TAFA2: variants seen among roughly 807,000 people sequenced by gnomAD.
TAFA2 encodes the protein TAFA chemokine like family member 2.
A neutral mutation model predicts 18.8 loss-of-function variants in TAFA2; 7 were observed. The observed-to-expected ratio is 0.37, with a 90% CI of 0.21 to 0.70. The LOEUF (loss-of-function observed/expected upper bound fraction) is 0.70, where lower values mean the gene tolerates loss of function less well. Among genes scored for constraint, TAFA2 ranks in the 30% least tolerant of loss-of-function variants. TAFA2 has a pLI of 0.53. For missense variants in TAFA2, 122 were observed against 158.1 expected (o/e 0.77, Z 1.23); for synonymous variants, 60 against 54.2 (o/e 1.11, Z -0.47).
intron 1 of TAFA2, among the ~76,000 whole-genome samples, chr12:61,964,615 A>G (rs977845763): frequency 2.6e-5 from 4 of 151,894 alleles, no homozygotes; most frequent in Admixed American, 1.3e-4. Flanking sequence ...GCAACATTAA[A>G]TCATCTTTGA....
At chr12:62,213,469 C>A (rs2062722031) in intron 1 of TAFA2, among the ~76,000 whole-genome samples, 1 of 151,780 alleles carries the variant, frequency 6.6e-6, no homozygotes, top group Non-Finnish European at 1.5e-5. Context: ...ATGGTGAAAC[C>A]CCGTCTGTAC....
At position 61,753,649 on chromosome 12, in the gene TAFA2, G is replaced by C. The variant is rs899848659; in HGVS notation, c.357C>G (p.Ser119=). Residue 119 remains serine, a synonymous_variant, in exon 4 of 5, where the codon TCC becomes TCG. Transcript: ENST00000416284. Reference sequence around the variant, plus strand: ...TAGTTGTTTTGACTTTATTCCCAGAGGAACAGCTCCATCCTTTCCGATCCG... The same window carrying C: ...TAGTTGTTTTGACTTTATTCCCAGACGAACAGCTCCATCCTTTCCGATCCG... The part of the protein sequence containing the change: ...VLPDRKGWSC[S]SGNKVKTTRV... 1 of 1,612,144 alleles carries C rather than the reference G, an allele frequency of 6.2e-7. No homozygotes were observed. The highest frequency in any genetic ancestry group is 1.3e-5 in the African/African-American group (1 of 74,942).
rs565083213 is a variant in TAFA2 at position 62,082,401 on chromosome 12, A to G, written c.-2+108858T>C. On this transcript the variant is annotated intron_variant, in intron 1 of 4. Transcript: ENST00000416284. ...TTCCTATTCCACTAATGCTCCTTTCATCTTTAGTAGTAAGCAGCTATTTTT... is the reference window on the plus strand; with the variant it reads ...TTCCTATTCCACTAATGCTCCTTTCGTCTTTAGTAGTAAGCAGCTATTTTT... Among the ~76,000 whole-genome samples, 17 of 152,220 alleles carry G rather than the reference A, an allele frequency of 1.1e-4. No homozygotes were observed. In the East Asian group the frequency reaches 2.7e-3, roughly 24 times the overall value.
At chr12:61,879,494 G>A in intron 1 of TAFA2, 1 of 695,154 alleles carries the variant, frequency 1.4e-6, no homozygotes, top group Admixed American at 2.0e-5. Context: ...GGGGCCAGCG[G>A]TATTGGAGGG....
At chr12:61,865,407 A>G (rs531866033) in intron 2 of TAFA2, among the ~76,000 whole-genome samples, 1 of 152,234 alleles carries the variant, frequency 6.6e-6, no homozygotes, top group Admixed American at 6.5e-5. Context: ...AAATAAAAAG[A>G]AAAGAAAGAA....
chr12:62,076,967 C>T (rs569030888), intron 1 of TAFA2, among the ~76,000 whole-genome samples: 52 of 152,158 alleles, frequency 3.4e-4, no homozygotes, highest in Admixed American at 7.8e-4. Context: ...AATGAAGCCT[C>T]GATGAGTTTT....
At chr12:61,833,088 A>T (rs1250514844) in intron 2 of TAFA2, among the ~76,000 whole-genome samples, 1 of 147,582 alleles carries the variant, frequency 6.8e-6, no homozygotes, top group Non-Finnish European at 1.5e-5. Context: ...ATATATATAT[A>T]TTATATATAT....
At chr12:62,014,643 A>G (rs544599493) in intron 1 of TAFA2, among the ~76,000 whole-genome samples, 117 of 152,288 alleles carry the variant, frequency 7.7e-4, no homozygotes, top group African/African-American at 2.7e-3. Context: ...AAAAAATAAA[A>G]AATAAAAATA....
intron 1 of TAFA2, among the ~76,000 whole-genome samples, chr12:61,949,822 T>C (rs1878404384): frequency 6.6e-6 from 1 of 152,182 alleles, no homozygotes; most frequent in Non-Finnish European, 1.5e-5. Context: ...AGTGTACAAT[T>C]CAGTTGTGTT....
At chr12:62,073,756 T>C (rs924394609) in intron 1 of TAFA2, among the ~76,000 whole-genome samples, 2 of 152,234 alleles carry the variant, frequency 1.3e-5, no homozygotes, top group African/African-American at 4.8e-5. Flanking sequence ...AGAATAGTTT[T>C]AGTTATCTGC....
intron 1 of TAFA2, among the ~76,000 whole-genome samples, chr12:62,181,996 C>CCA (rs201356131): frequency 3.4e-4 from 50 of 148,788 alleles, no homozygotes; most frequent in Admixed American, 1.4e-3. Context: ...TCCATCCCCC[C>CCA]CCCGCTACAC....
intron 1 of TAFA2, chr12:62,135,858 G>A (rs1007207118): frequency 2.0e-5 from 3 of 152,100 alleles, no homozygotes; most frequent in East Asian, 1.9e-4. Flanking sequence ...ATTCTGTGAT[G>A]TGAACTGATA....
chr12:62,240,871 T>C (rs1178855669), intron 1 of TAFA2, among the ~76,000 whole-genome samples: 8 of 152,044 alleles, frequency 5.3e-5, no homozygotes, highest in Admixed American at 5.2e-4. Context: ...ATGAACCATA[T>C]TGTGAACGGT....
intron 1 of TAFA2, among the ~76,000 whole-genome samples, chr12:61,955,665 A>T (rs12302259): frequency 0.024 from 2,907 of 120,110 alleles, 197 homozygotes; most frequent in African/African-American, 0.093. Context: ...ATATATATAT[A>T]TATATTTAAT....
At chr12:62,076,575 C>A (rs916201768) in intron 1 of TAFA2, among the ~76,000 whole-genome samples, 1 of 152,094 alleles carries the variant, frequency 6.6e-6, no homozygotes. Context: ...TGCTAAGGTT[C>A]GACACCACAC....
intron 2 of TAFA2, among the ~76,000 whole-genome samples, chr12:61,782,205 A>G (rs1000081465): frequency 1.1e-4 from 16 of 151,682 alleles, no homozygotes; most frequent in African/African-American, 3.9e-4. Flanking sequence ...AGTTCAGGCC[A>G]TGATGAGAAG....
intron 1 of TAFA2, among the ~76,000 whole-genome samples, chr12:62,026,656 T>C (rs936260355): frequency 3.3e-5 from 5 of 152,180 alleles, no homozygotes; most frequent in Admixed American, 3.3e-4. Context: ...GTCTATGTTT[T>C]GAATTTGCTG....
intron 4 of TAFA2, among the ~76,000 whole-genome samples, chr12:61,734,453 A>T (rs886336916): frequency 1.3e-5 from 2 of 151,408 alleles, no homozygotes; most frequent in African/African-American, 4.8e-5. Context: ...AGCATGGCAC[A>T]TGTATACATA....
At chr12:61,773,195 A>G (rs1870108116) in intron 2 of TAFA2, among the ~76,000 whole-genome samples, 1 of 152,000 alleles carries the variant, frequency 6.6e-6, no homozygotes, top group Non-Finnish European at 1.5e-5. Context: ...CACTGCTGAA[A>G]GAAATCATAG....
Sources: gnomAD v4.1 joint callset for allele counts (sites outside exome capture counted in the v4.1 genomes callset) on GRCh38, gnomAD v4.1.1 for gene constraint, MANE v1.5 for transcripts, NCBI Gene and HGNC (gene_info 2026-07-23, HGNC 2026-07-21) for gene names.